FBXL7: variants seen among roughly 807,000 people sequenced by gnomAD.
FBXL7 encodes the protein F-box and leucine rich repeat protein 7, also known as F-box/LRR-repeat protein 7.
FBXL7 carries 12 observed loss-of-function variants against 38.3 expected under a neutral mutation model. The observed-to-expected ratio is 0.31, with a 90% CI of 0.20 to 0.51. The LOEUF (loss-of-function observed/expected upper bound fraction) is 0.51. FBXL7 is among the 20% of genes least tolerant of loss of function. FBXL7 has a pLI of 0.98. For missense variants in FBXL7, 567 were observed against 676.4 expected, an observed-to-expected ratio of 0.84 and a Z score of 1.79; for synonymous variants, 297 against 300.9, an observed-to-expected ratio of 0.99 and a Z score of 0.13.
chr5:15,923,068 G>A (rs920038116), intron 2 of FBXL7, among the ~76,000 whole-genome samples: 1 of 152,106 alleles, frequency 6.6e-6, no homozygotes, highest in Non-Finnish European at 1.5e-5. Flanking sequence ...TTGCAATGTC[G>A]TAAGACCAGG....
intron 1 of FBXL7, among the ~76,000 whole-genome samples, chr5:15,520,238 C>A (rs1012143058): frequency 3.3e-5 from 5 of 152,078 alleles, no homozygotes; most frequent in African/African-American, 1.2e-4. Flanking sequence ...TATCTTGTGG[C>A]GACCTCCTGT....
chr5:15,918,092 A>T (rs1029223931), intron 2 of FBXL7, among the ~76,000 whole-genome samples: 1 of 152,050 alleles, frequency 6.6e-6, no homozygotes, highest in East Asian at 1.9e-4. Flanking sequence ...TACAAAAATT[A>T]GCTGGGCATG....
intron 1 of FBXL7, among the ~76,000 whole-genome samples, chr5:15,555,793 AG>A (rs1561025878): frequency 7.0e-4 from 102 of 145,206 alleles, no homozygotes; most frequent in Middle Eastern, 7.2e-3. Context: ...TGAGATAGAT[AG>A]ATAGATAGAT....
intron 1 of FBXL7, among the ~76,000 whole-genome samples, chr5:15,590,892 G>A (rs1739452263): frequency 6.6e-6 from 1 of 152,090 alleles, no homozygotes. Flanking sequence ...TAACCTAAAA[G>A]TTGTATTATT....
At chr5:15,507,336 T>C (rs1417823810) in intron 1 of FBXL7, among the ~76,000 whole-genome samples, 1 of 152,210 alleles carries the variant, frequency 6.6e-6, no homozygotes, top group Non-Finnish European at 1.5e-5. Context: ...AATGAGAAGA[T>C]ATTTTTTCGA....
chr5:15,561,206 C>T (rs1385317803), intron 1 of FBXL7, among the ~76,000 whole-genome samples: 1 of 152,078 alleles, frequency 6.6e-6, no homozygotes, highest in Non-Finnish European at 1.5e-5. Context: ...ATCTTTGTAC[C>T]TCTTGACCTC....
At chr5:15,615,058 C>A (rs1740399723) in intron 1 of FBXL7, among the ~76,000 whole-genome samples, 1 of 152,174 alleles carries the variant, frequency 6.6e-6, no homozygotes, top group African/African-American at 2.4e-5. Context: ...ACATGGATAC[C>A]ATGAGGGCGT....
chr5:15,693,100 G>A (rs1057398981), intron 2 of FBXL7, among the ~76,000 whole-genome samples: 1 of 152,128 alleles, frequency 6.6e-6, no homozygotes, highest in African/African-American at 2.4e-5. Flanking sequence ...TCAGAGGAAC[G>A]ATGTGGTCTA....
chr5:15,902,732 A>G (rs1741259962), intron 2 of FBXL7, among the ~76,000 whole-genome samples: 1 of 152,264 alleles, frequency 6.6e-6, no homozygotes, highest in Non-Finnish European at 1.5e-5. Context: ...TTGGTTCAGC[A>G]AGTCCTCCAA....
At chr5:15,720,870 G>A (rs1744174453) in intron 2 of FBXL7, among the ~76,000 whole-genome samples, 1 of 151,876 alleles carries the variant, frequency 6.6e-6, no homozygotes, top group African/African-American at 2.4e-5. Flanking sequence ...TTTTGGTAGT[G>A]CAAATTATTT....
chr5:15,546,351 G>T (rs995590982), intron 1 of FBXL7, among the ~76,000 whole-genome samples: 2 of 152,158 alleles, frequency 1.3e-5, no homozygotes, highest in South Asian at 4.1e-4. Flanking sequence ...TAGATCACCT[G>T]AGGTCAGGAG....
intron 2 of FBXL7, among the ~76,000 whole-genome samples, chr5:15,841,397 A>G (rs1028189078): frequency 6.6e-6 from 1 of 152,170 alleles, no homozygotes; most frequent in Non-Finnish European, 1.5e-5. Context: ...TGAGTGTTTT[A>G]TAATAGAATA....
At chr5:15,523,325 A>G (rs895205918) in intron 1 of FBXL7, among the ~76,000 whole-genome samples, 12 of 152,136 alleles carry the variant, frequency 7.9e-5, no homozygotes, top group Non-Finnish European at 1.5e-4. Context: ...TTGGGAGGCC[A>G]AGGTGGATGG....
At chr5:15,552,492 T>C (rs1738107310) in intron 1 of FBXL7, among the ~76,000 whole-genome samples, 1 of 152,222 alleles carries the variant, frequency 6.6e-6, no homozygotes, top group Non-Finnish European at 1.5e-5. Context: ...TATCCTCATA[T>C]ACTCAAGATA....
At chr5:15,740,255 C>A (rs979325813) in intron 2 of FBXL7, among the ~76,000 whole-genome samples, 1 of 152,272 alleles carries the variant, frequency 6.6e-6, no homozygotes, top group African/African-American at 2.4e-5. Flanking sequence ...GCCTATGGAA[C>A]CTTCCATTTC....
At position 15,660,242 on chromosome 5, in the gene FBXL7, TTGAC is replaced by T. The variant is rs371806979; in HGVS notation, c.127+44172_127+44175del. 3.0e-3 allele frequency among the ~76,000 whole-genome samples: 457 copies of T among 152,358 alleles called. 2 individuals are homozygous for T. The highest frequency in any genetic ancestry group is 0.01 in the African/African-American group (433 of 41,576). The stretch of plus-strand genomic sequence containing the variant: ...TAAGTTTCCTGCTTCTTTCTCAGTT[TTGAC>T]TTTTTCTCAAAGAAAGTGGATACTT... On this transcript the variant is annotated intron_variant, in intron 2 of 3. Coordinates refer to ENST00000504595, the MANE Select transcript of FBXL7 (RefSeq NM_012304.5).
At chr5:15,656,877 A>G (rs1741899996) in intron 2 of FBXL7, among the ~76,000 whole-genome samples, 1 of 152,276 alleles carries the variant, frequency 6.6e-6, no homozygotes, top group Non-Finnish European at 1.5e-5. Flanking sequence ...TCAATCTGGA[A>G]ATGACTTATG....
intron 2 of FBXL7, among the ~76,000 whole-genome samples, chr5:15,748,233 AAC>A (rs1326933161): frequency 2.0e-5 from 3 of 152,198 alleles, no homozygotes; most frequent in African/African-American, 7.2e-5. Context: ...CCTGACAACA[AAC>A]AGTTATCTGG....
At chr5:15,683,158 C>T (rs1464656768) in intron 2 of FBXL7, among the ~76,000 whole-genome samples, 1 of 152,150 alleles carries the variant, frequency 6.6e-6, no homozygotes, top group African/African-American at 2.4e-5. Flanking sequence ...TTCGGGGCAA[C>T]TAGAAGTAGT....
Sources: gnomAD v4.1 joint callset for allele counts (sites outside exome capture counted in the v4.1 genomes callset) on GRCh38, gnomAD v4.1.1 for gene constraint, MANE v1.5 for transcripts, NCBI Gene and HGNC (gene_info 2026-07-23, HGNC 2026-07-21) for gene names.